The following SRGAP3 variants were observed in gnomAD, a reference collection of about 807,000 sequenced individuals.
SRGAP3 encodes SLIT-ROBO Rho GTPase-activating protein 3.
A neutral mutation model predicts 121.1 loss-of-function variants in SRGAP3; 39 were observed. That is an observed-to-expected ratio of 0.32 (90% CI 0.25 to 0.42). The LOEUF is 0.42. Ranked by LOEUF, SRGAP3 falls within the 10% of genes least tolerant of loss-of-function variation. The pLI is 1.00. For missense variants in SRGAP3, 1,213 were observed against 1,470.6 expected (o/e 0.82, Z 2.86); for synonymous variants, 601 against 570.0 (o/e 1.05, Z -0.77).
chr3:9,013,210 C>T (rs62245084), intron 17 of SRGAP3, 98 bp downstream of exon 17: 5 of 1,207,982 alleles, frequency 4.1e-6, no homozygotes, highest in South Asian at 1.3e-5. Flanking sequence ...GAAGCACCGA[C>T]TATCAAGCAG....
intron 14 of SRGAP3, among the ~76,000 whole-genome samples, chr3:9,020,815 A>G (rs1467155357): frequency 6.6e-6 from 1 of 152,200 alleles, no homozygotes; most frequent in Non-Finnish European, 1.5e-5. Context: ...GGAGAATTAG[A>G]GCTAAAATTC....
chr3:9,101,395 G>T (rs1039297583), intron 3 of SRGAP3, among the ~76,000 whole-genome samples: 7 of 152,206 alleles, frequency 4.6e-5, no homozygotes, highest in African/African-American at 1.4e-4. Context: ...CCGGCCTGGC[G>T]AGGCAGAGCC....
intron 1 of SRGAP3, among the ~76,000 whole-genome samples, chr3:9,139,650 G>A (rs1356592128): frequency 1.3e-5 from 2 of 152,206 alleles, no homozygotes; most frequent in African/African-American, 4.8e-5. Context: ...GAATAAATGC[G>A]TGTTGTTTTA....
chr3:9,190,494 C>T (rs954116129), intron 1 of SRGAP3, among the ~76,000 whole-genome samples: 2 of 152,120 alleles, frequency 1.3e-5, no homozygotes, highest in African/African-American at 2.4e-5. Context: ...TGTAGTATAA[C>T]GGAATATCAC....
Position 9,109,655 on chromosome 3 carries a change from A to T in SRGAP3, c.261-4813T>A, listed in dbSNP as rs1228092194. 6.6e-6 allele frequency among the ~76,000 whole-genome samples: 1 copy of T among 152,162 alleles called. No homozygotes were observed. Among genetic ancestry groups the T allele is most frequent in the Non-Finnish European group, 1.5e-5 (1 of 68,026 alleles). On this transcript the variant is annotated intron_variant, in intron 2 of 21. Coordinates refer to ENST00000383836, the MANE Select transcript of SRGAP3 (RefSeq NM_014850.4). The surrounding 1 kb of genome is among the most constrained non-coding windows in gnomAD (Gnocchi z 4.4). The stretch of plus-strand genomic sequence containing the variant: ...GATTCACAAGGAACAGAAAGTGATG[A>T]GGCAGCCTCATCAGTGCAGTCATGG...
At chr3:9,098,244 T>C (rs947846844) in intron 3 of SRGAP3, among the ~76,000 whole-genome samples, 3 of 152,180 alleles carry the variant, frequency 2.0e-5, no homozygotes, top group African/African-American at 4.8e-5. Context: ...GAGGAGGACA[T>C]TGTGTCTGAG....
intron 3 of SRGAP3, among the ~76,000 whole-genome samples, chr3:9,291,950 T>A (rs1954877232): frequency 6.6e-6 from 1 of 152,190 alleles, no homozygotes; most frequent in Non-Finnish European, 1.5e-5. Context: ...CTCTTCTCTT[T>A]GTCCAAAAGA....
intron 1 of SRGAP3, among the ~76,000 whole-genome samples, chr3:9,158,325 C>T (rs1950491531): frequency 6.6e-6 from 1 of 152,180 alleles, no homozygotes; most frequent in African/African-American, 2.4e-5. Context: ...TGAGGTTTTG[C>T]TCAAACGCCA....
At chr3:9,071,473 T>C (rs1387209468) in intron 4 of SRGAP3, among the ~76,000 whole-genome samples, 1 of 152,028 alleles carries the variant, frequency 6.6e-6, no homozygotes, top group Admixed American at 6.5e-5. Context: ...CTGGAAACAC[T>C]GGGAAGGGAG....
At chr3:9,242,540 C>T (rs1455320041) in intron 1 of SRGAP3, among the ~76,000 whole-genome samples, 11 of 151,984 alleles carry the variant, frequency 7.2e-5, no homozygotes, top group African/African-American at 2.7e-4. Flanking sequence ...TAGGCTGAGG[C>T]GGGAGAATTG....
At chr3:9,214,131 C>T (rs559923327) in intron 1 of SRGAP3, among the ~76,000 whole-genome samples, 1 of 151,980 alleles carries the variant, frequency 6.6e-6, no homozygotes, top group Admixed American at 6.6e-5. Context: ...CACACACACA[C>T]ACACACACAC....
intron 1 of SRGAP3, among the ~76,000 whole-genome samples, chr3:9,247,552 G>A (rs1046652238): frequency 6.6e-5 from 10 of 152,124 alleles, no homozygotes; most frequent in South Asian, 6.2e-4. Context: ...TGGCAGCTGC[G>A]GTGCCCAGCC....
chr3:9,227,647 T>C (rs1953038057), intron 1 of SRGAP3, among the ~76,000 whole-genome samples: 2 of 152,252 alleles, frequency 1.3e-5, no homozygotes, highest in Non-Finnish European at 2.9e-5. Flanking sequence ...TGTGCTTTGG[T>C]GTTAAAATTA....
intron 3 of SRGAP3, among the ~76,000 whole-genome samples, chr3:9,322,592 C>A (rs1955455730): frequency 6.6e-6 from 1 of 151,742 alleles, no homozygotes; most frequent in African/African-American, 2.4e-5. Context: ...GGACTGTGAA[C>A]CCTATTGTGA....
At chr3:9,028,548 C>A (rs1294233082) in intron 12 of SRGAP3, among the ~76,000 whole-genome samples, 1 of 152,146 alleles carries the variant, frequency 6.6e-6, no homozygotes, top group African/African-American at 2.4e-5. Flanking sequence ...TCCCAGCTGC[C>A]CACAAAAAGG....
intron 2 of SRGAP3, among the ~76,000 whole-genome samples, chr3:9,111,198 C>T (rs1030909780): frequency 1.3e-5 from 2 of 152,206 alleles, no homozygotes; most frequent in Non-Finnish European, 2.9e-5. Context: ...CATGAGCCCA[C>T]GAATGTGGGT....
intron 1 of SRGAP3, among the ~76,000 whole-genome samples, chr3:9,335,131 C>T (rs1335389848): frequency 2.6e-5 from 4 of 152,184 alleles, no homozygotes; most frequent in Admixed American, 2.6e-4. Context: ...TGGGTTTTCT[C>T]AGCAGTTTTT....
At chr3:9,037,419 G>C (rs1944799974) in intron 11 of SRGAP3, 1 of 152,816 alleles carries the variant, frequency 6.5e-6, no homozygotes, top group African/African-American at 2.4e-5. Context: ...TGAGTGGAAA[G>C]TGTTCACTGG....
chr3:9,191,480 G>A (rs1560384396), intron 1 of SRGAP3, among the ~76,000 whole-genome samples: 1 of 152,344 alleles, frequency 6.6e-6, no homozygotes, highest in East Asian at 1.9e-4. Context: ...CATTGACAGT[G>A]CCTATGTACA....
Sources: gnomAD v4.1 joint callset for allele counts (sites outside exome capture counted in the v4.1 genomes callset) on GRCh38, gnomAD v4.1.1 for gene constraint, Gnocchi (gnomAD v3.1) non-coding constraint, MANE v1.5 for transcripts, NCBI Gene and HGNC (gene_info 2026-07-23, HGNC 2026-07-21) for gene names.